HS3ST4: variants seen among roughly 807,000 people sequenced by gnomAD.
HS3ST4 encodes heparan sulfate glucosamine 3-O-sulfotransferase 4.
HS3ST4 carries 17 observed loss-of-function variants against 29.2 expected under a neutral mutation model. The ratio of observed to expected loss-of-function variants is 0.58; its 90% CI spans 0.40 to 0.87. The LOEUF (loss-of-function observed/expected upper bound fraction) is 0.87. Among genes scored for constraint, HS3ST4 ranks in the 40% least tolerant of loss-of-function variants. HS3ST4 has a pLI of 0.00. For synonymous variants in HS3ST4, 314 were observed against 285.7 expected, an observed-to-expected ratio of 1.10 and a Z score of -1.00; for missense variants, 627 against 634.5, an observed-to-expected ratio of 0.99 and a Z score of 0.13.
intron 1 of HS3ST4, among the ~76,000 whole-genome samples, chr16:25,942,347 T>C (rs1968579993): frequency 6.6e-6 from 1 of 152,194 alleles, no homozygotes; most frequent in African/African-American, 2.4e-5. Context: ...TCTGAATGTT[T>C]GTTGAGCAAT....
chr16:25,885,435 G>A (rs1022623493), intron 1 of HS3ST4, among the ~76,000 whole-genome samples: 1 of 152,172 alleles, frequency 6.6e-6, no homozygotes, highest in Non-Finnish European at 1.5e-5. Flanking sequence ...GGGAAGATCA[G>A]CTTCAGCCAG....
intron 1 of HS3ST4, among the ~76,000 whole-genome samples, chr16:25,900,217 T>A (rs1968108750): frequency 6.6e-6 from 1 of 152,210 alleles, no homozygotes; most frequent in African/African-American, 2.4e-5. Context: ...ACAAAACAGC[T>A]TATATTTATT....
chr16:25,803,112 G>C (rs1966955965), intron 1 of HS3ST4, among the ~76,000 whole-genome samples: 1 of 151,110 alleles, frequency 6.6e-6, no homozygotes, highest in Non-Finnish European at 1.5e-5. Flanking sequence ...TATATATGTA[G>C]AGAGAGAGAG....
In HS3ST4 at chr16:25,856,256, C is replaced by G. The variant is rs533665801; in HGVS notation, c.734+163105C>G. Among the ~76,000 whole-genome samples the G allele has an allele frequency of 3.3e-5, 5 of 152,172 alleles. No homozygotes were observed. In the South Asian group the frequency reaches 1.0e-3, roughly 32 times the overall value. ...TGTCTTTTGTATGCTAATGAGATTA[C>G]TCCAGGCAGGGGGCTCCTAGATAGC... On this transcript the variant is annotated intron_variant, in intron 1 of 1. Transcript: ENST00000331351.
At chr16:25,754,875 A>T (rs1026871880) in intron 1 of HS3ST4, among the ~76,000 whole-genome samples, 1 of 150,696 alleles carries the variant, frequency 6.6e-6, no homozygotes, top group Non-Finnish European at 1.5e-5. Flanking sequence ...TCATCCACCC[A>T]TCCATCTATC....
chr16:26,002,151 G>C (rs1043854766), intron 1 of HS3ST4, among the ~76,000 whole-genome samples: 3 of 152,142 alleles, frequency 2.0e-5, no homozygotes, highest in Non-Finnish European at 4.4e-5. Context: ...AGGATTTTCA[G>C]CTTCACATAT....
chr16:25,941,147 T>C (rs1968567555), intron 1 of HS3ST4, among the ~76,000 whole-genome samples: 1 of 152,174 alleles, frequency 6.6e-6, no homozygotes, highest in African/African-American at 2.4e-5. Flanking sequence ...CCTGTTTTTT[T>C]GTTTTGTTTT....
At chr16:25,817,324 A>AC (rs1252369359) in intron 1 of HS3ST4, among the ~76,000 whole-genome samples, 1 of 152,232 alleles carries the variant, frequency 6.6e-6, no homozygotes, top group Non-Finnish European at 1.5e-5. Flanking sequence ...AGATTCTTGG[A>AC]CAGACTAGTA....
intron 1 of HS3ST4, among the ~76,000 whole-genome samples, chr16:26,013,832 A>AC (rs1969336630): frequency 6.6e-6 from 1 of 151,894 alleles, no homozygotes; most frequent in South Asian, 2.1e-4. Context: ...ACATGGTGAA[A>AC]CCCCATCTCT....
intron 1 of HS3ST4, among the ~76,000 whole-genome samples, chr16:25,763,853 G>A (rs1333594944): frequency 6.6e-6 from 1 of 152,184 alleles, no homozygotes; most frequent in African/African-American, 2.4e-5. Context: ...GTTTAGATTT[G>A]AATATTTAGA....
At chr16:25,879,915 C>T (rs1967876223) in intron 1 of HS3ST4, among the ~76,000 whole-genome samples, 1 of 152,122 alleles carries the variant, frequency 6.6e-6, no homozygotes, top group Admixed American at 6.5e-5. Flanking sequence ...AGCGAAACTC[C>T]CATTTATAAA....
chr16:26,092,921 C>A (rs1898874791), intron 1 of HS3ST4, among the ~76,000 whole-genome samples: 1 of 152,130 alleles, frequency 6.6e-6, no homozygotes, highest in Non-Finnish European at 1.5e-5. Flanking sequence ...TAGCAACTGG[C>A]AGACAAGGAG....
intron 1 of HS3ST4, among the ~76,000 whole-genome samples, chr16:25,939,312 TATTATTATTATTATTATC>T (rs71158981): frequency 0.26 from 32,616 of 125,100 alleles, 4,457 homozygotes; most frequent in Non-Finnish European, 0.33. Context: ...CATTTATTAT[TATTATTATTATTATTATC>T]ATTATTATTA....
At chr16:25,722,538 G>A (rs1207111790) in intron 1 of HS3ST4, among the ~76,000 whole-genome samples, 2 of 152,178 alleles carry the variant, frequency 1.3e-5, no homozygotes, top group Non-Finnish European at 2.9e-5. Context: ...ACCGGGCCAG[G>A]GCATATGGAT....
chr16:25,831,439 A>T (rs1482683425), intron 1 of HS3ST4, among the ~76,000 whole-genome samples: 1 of 144,072 alleles, frequency 6.9e-6, no homozygotes, highest in African/African-American at 2.5e-5. Flanking sequence ...ACACACACAC[A>T]CACAAACCTG....
At chr16:25,854,214 G>A (rs926595430) in intron 1 of HS3ST4, among the ~76,000 whole-genome samples, 4 of 151,982 alleles carry the variant, frequency 2.6e-5, no homozygotes, top group African/African-American at 9.7e-5. Flanking sequence ...CTCACTGACT[G>A]AGCCTCCCGA....
intron 1 of HS3ST4, among the ~76,000 whole-genome samples, chr16:25,847,894 A>C (rs1596589653): frequency 6.6e-6 from 1 of 152,244 alleles, no homozygotes; most frequent in East Asian, 1.9e-4. Flanking sequence ...TATTTGTTAC[A>C]ATTTTTGGTA....
At chr16:25,725,003 T>A (rs532545992) in intron 1 of HS3ST4, among the ~76,000 whole-genome samples, 48 of 149,384 alleles carry the variant, frequency 3.2e-4, no homozygotes, top group African/African-American at 1.1e-3. Flanking sequence ...CTTTTCTCCC[T>A]CTTCTATTTC....
chr16:25,801,805 T>G (rs1441296355), intron 1 of HS3ST4, among the ~76,000 whole-genome samples: 1 of 152,110 alleles, frequency 6.6e-6, no homozygotes, highest in Non-Finnish European at 1.5e-5. Flanking sequence ...TTACAAATAT[T>G]TTTACAACCT....
Sources: allele counts gnomAD v4.1 joint callset (sites outside exome capture counted in the v4.1 genomes callset), GRCh38; gene constraint gnomAD v4.1.1; transcripts MANE v1.5; gene names NCBI Gene and HGNC (gene_info 2026-07-23, HGNC 2026-07-21).